SYNE1: variants seen among roughly 807,000 people sequenced by gnomAD.
SYNE1 encodes nesprin-1.
In SYNE1, 616 loss-of-function variants were observed where a neutral mutation model predicts 1,111.0. The ratio of observed to expected loss-of-function variants is 0.55; its 90% CI spans 0.52 to 0.59. The LOEUF (loss-of-function observed/expected upper bound fraction) is 0.59. SYNE1 is among the 20% of genes least tolerant of loss of function. The pLI, the probability that SYNE1 is intolerant of heterozygous loss-of-function variation, is 0.00. For missense variants in SYNE1, 10,006 were observed against 10,417.0 expected (o/e 0.96, Z 1.72); for synonymous variants, 3,855 against 3,825.8 (o/e 1.01, Z -0.28).
At position 152,455,487 on chromosome 6, in the gene SYNE1, C is replaced by T. The variant is rs752542678; in HGVS notation, c.2831G>A (p.Arg944Gln). Reference protein sequence around the residue: ...ESRAELEKVLRIAQEGLEEKG... With the variant: ...ESRAELEKVLQIAQEGLEEKG... ...TTCCTCCAGGCCCTCCTGAGCAATC[C>T]GCAGTACCTTCTCCAACTCTGCTCG... The change falls in exon 24 of 146, where the codon CGG becomes CAG. Residue 944 changes from arginine to glutamine, a missense_variant. Arg to Gln is a conservative substitution (Grantham distance 43). This residue lies in a region of SYNE1 where 1,971 missense variants were observed against 2,084.1 expected (regional missense o/e 0.95). Transcript: ENST00000367255. The T allele has an allele frequency of 2.4e-5, 38 of 1,614,044 alleles. No individual in the cohort carries two copies. Among genetic ancestry groups the T allele is most frequent in the Middle Eastern group, 1.6e-4 (1 of 6,084 alleles).
intron 127 of SYNE1, among the ~76,000 whole-genome samples, chr6:152,194,562 A>G (rs1421970711): frequency 6.6e-6 from 1 of 152,100 alleles, no homozygotes. Flanking sequence ...ATGTTTGGCA[A>G]GTTCTCTGTT....
intron 68 of SYNE1, 66 bp downstream of exon 68, chr6:152,353,523 G>A: frequency 6.2e-7 from 1 of 1,613,736 alleles, no homozygotes; most frequent in South Asian, 1.1e-5. Context: ...GGATGTTAGT[G>A]AAAGGAAGGC....
intron 3 of SYNE1, among the ~76,000 whole-genome samples, chr6:152,626,836 T>G (rs1216999276): frequency 6.6e-6 from 1 of 152,202 alleles, no homozygotes; most frequent in Admixed American, 6.5e-5. Context: ...TGATTTTCTA[T>G]AGCTGTGAGC....
intron 130 of SYNE1, chr6:152,168,160 G>A (rs1413642918): frequency 1.3e-5 from 10 of 776,054 alleles, no homozygotes; most frequent in South Asian, 2.7e-5. Context: ...CCACACAGCT[G>A]TCCTCTGCCA....
chr6:152,573,210 T>C (rs550280818), intron 3 of SYNE1, among the ~76,000 whole-genome samples: 39 of 152,012 alleles, frequency 2.6e-4, no homozygotes, highest in Non-Finnish European at 5.6e-4. Flanking sequence ...ACTTTAAGTT[T>C]TAGGGTACAT....
At chr6:152,215,197 C>T in intron 121 of SYNE1, 137 bp from the exon 122 acceptor site, 1 of 935,568 alleles carries the variant, frequency 1.1e-6, no homozygotes, top group Non-Finnish European at 1.7e-6. Flanking sequence ...AGGCCACTTA[C>T]TTACAATCTC....
chr6:152,438,686 G>A (rs1403329281), intron 32 of SYNE1, among the ~76,000 whole-genome samples: 1 of 152,108 alleles, frequency 6.6e-6, no homozygotes, highest in Non-Finnish European at 1.5e-5. Context: ...ACATGACATT[G>A]CTATGAACCC....
chr6:152,255,870 GACAGATC>G, intron 102 of SYNE1, 124 bp from the exon 103 acceptor site: 1 of 1,118,874 alleles, frequency 8.9e-7, no homozygotes, highest in Admixed American at 1.8e-5. Context: ...GCCCAAAGCA[GACAGATC>G]ACTTGAGGTC....
Position 152,505,313 on chromosome 6 carries a change from C to A in SYNE1, c.666G>T (p.Pro222=). 6.2e-7 allele frequency: 1 copy of A among 1,614,080 alleles called. No individual in the cohort carries two copies. The highest frequency in any genetic ancestry group is 8.5e-7 in the Non-Finnish European group (1 of 1,180,012). The change falls in exon 9 of 146, where the codon CCG becomes CCT. Residue 222 remains proline, a synonymous_variant. Transcript: ENST00000367255. ...TCACTGTCTCCAAGTCCACCAATTC[C>A]GGTCGAATGGCATGAATAACTGAAT... ...AFHSVIHAIR[P]ELVDLETVKG...
At chr6:152,188,896 T>A (rs1386734003) in intron 128 of SYNE1, among the ~76,000 whole-genome samples, 6 of 137,632 alleles carry the variant, frequency 4.4e-5, no homozygotes, top group African/African-American at 1.7e-4. Context: ...AGGTGGAGCT[T>A]GCAGTGAGCC....
Position 152,155,921 on chromosome 6 carries a change from T to G in SYNE1, c.23967A>C (p.Glu7989Asp). 6.2e-7 allele frequency: 1 copy of G among 1,614,064 alleles called. No homozygotes were observed. The change falls in exon 132 of 146, where the codon GAA becomes GAC. Residue 7989 changes from glutamate to aspartate, a missense_variant. Physicochemically the swap from Glu to Asp is conservative, Grantham distance 45. This residue lies in a region of SYNE1 where 2,182 missense variants were observed against 2,287.8 expected (regional missense o/e 0.95). Coordinates refer to ENST00000367255, the MANE Select transcript of SYNE1 (RefSeq NM_182961.4). ...RWRNICAMSM[E>D]RRLKIEETWR... Reference sequence around the variant, plus strand: ...GCATCCCAGCTCACTTCAGCCTCCTTTCCATGGACATAGCACAAATGTTTC... The same window carrying G: ...GCATCCCAGCTCACTTCAGCCTCCTGTCCATGGACATAGCACAAATGTTTC...
Position 152,302,338 on chromosome 6 carries a change from T to A in SYNE1, c.17347-275A>T, listed in dbSNP as rs149141962. The A allele has an allele frequency of 2.1e-3, 1,134 of 538,122 alleles. 12 individuals are homozygous for A. Among genetic ancestry groups the A allele is most frequent in the African/African-American group, 0.02 (1,040 of 52,650 alleles). The allele number at this position is 538,122 out of a possible 1,614,324, so 33.3% of individuals were successfully genotyped here. ...GGGATGAGGCCGAATGAGTGGTTTC[T>A]AATCGCGAGAGGCCCCATATGGAAT... On this transcript the variant is annotated intron_variant, in intron 91 of 145. Coordinates refer to ENST00000367255, the MANE Select transcript of SYNE1 (RefSeq NM_182961.4).
intron 22 of SYNE1, among the ~76,000 whole-genome samples, chr6:152,457,490 A>G (rs2098703494): frequency 6.6e-6 from 1 of 152,188 alleles, no homozygotes; most frequent in Admixed American, 6.6e-5. Flanking sequence ...ATTATAATAA[A>G]CCAAATAACC....
At chr6:152,219,413 A>G (rs1273155521) in intron 119 of SYNE1, among the ~76,000 whole-genome samples, 1 of 151,964 alleles carries the variant, frequency 6.6e-6, no homozygotes, top group Non-Finnish European at 1.5e-5. Context: ...ATGGCTATAT[A>G]TAATTACTCT....
In SYNE1 at chr6:152,581,564, T is replaced by C. The variant is rs145739422; in HGVS notation, c.68-41543A>G. Among the ~76,000 whole-genome samples the C allele has an allele frequency of 1.9e-3, 293 of 152,318 alleles. 2 individuals carry two copies. The highest frequency in any genetic ancestry group is 6.6e-3 in the African/African-American group (275 of 41,562). On this transcript the variant is annotated intron_variant, in intron 3 of 145. Transcript: ENST00000367255. Reference sequence around the variant, plus strand: ...AAGCACACCAACTTCCCACTGCTCATGGCCCCTCTCGCTACACCAACGTCT... The same window carrying C: ...AAGCACACCAACTTCCCACTGCTCACGGCCCCTCTCGCTACACCAACGTCT...
intron 130 of SYNE1, 123 bp from the exon 131 acceptor site, chr6:152,164,448 A>G: frequency 3.6e-6 from 4 of 1,125,714 alleles, no homozygotes; most frequent in Non-Finnish European, 5.2e-6. Flanking sequence ...CTCATGTGGA[A>G]GAAGCCAAAG....
rs776288515 is a variant in SYNE1, at chr6:152,136,702, C to T, written c.25575G>A (p.Ser8525=). ...CTCGGTCCCAGCGCCCATTCATCTG[C>T]GACAAGCGATCCTGCAGGTCCCGGC... ...KESRDLQDRL[S]QMNGRWDRVC... Residue 8525 remains serine (S), a synonymous_variant, in exon 141 of 146, where the codon TCG becomes TCA. Transcript: ENST00000367255. 5.7e-5 allele frequency: 92 copies of T among 1,614,212 alleles called. No homozygotes were observed. The Admixed American group carries it at 6.3e-4, about 11-fold the overall frequency.
intron 129 of SYNE1, among the ~76,000 whole-genome samples, chr6:152,179,792 C>T (rs1459597458): frequency 7.3e-6 from 1 of 137,746 alleles, no homozygotes; most frequent in Non-Finnish European, 1.5e-5. Context: ...TCAAGTGATT[C>T]CCCTGCCTCA....
chr6:152,353,501 T>C, intron 68 of SYNE1, 68 bp from the exon 69 acceptor site: 2 of 1,613,308 alleles, frequency 1.2e-6, no homozygotes, highest in South Asian at 1.1e-5. Flanking sequence ...TTGATGAATA[T>C]GTATCTTCAC....
Sources: allele counts gnomAD v4.1 joint callset (sites outside exome capture counted in the v4.1 genomes callset), GRCh38; gene constraint gnomAD v4.1.1; regional missense constraint gnomAD v4.1.1; transcripts MANE v1.5; gene names NCBI Gene and HGNC (gene_info 2026-07-23, HGNC 2026-07-21).